The following CCDC81 variants were observed in gnomAD, a reference collection of about 807,000 sequenced individuals.
CCDC81 encodes coiled-coil domain-containing protein 81.
A neutral mutation model predicts 83.7 loss-of-function variants in CCDC81; 79 were observed. The ratio of observed to expected loss-of-function variants is 0.94; its 90% CI spans 0.79 to 1.14. The LOEUF (loss-of-function observed/expected upper bound fraction) is 1.14. Among genes scored for constraint, CCDC81 ranks in the 50% most tolerant of loss-of-function variants. CCDC81 has a pLI of 0.00. For missense variants in CCDC81, 791 were observed against 778.1 expected (o/e 1.02, Z -0.20); for synonymous variants, 252 against 278.1 (o/e 0.91, Z 0.93).
chr11:86,414,769 C>G lies in CCDC81; in HGVS notation c.1392-20C>G. 6.3e-7 allele frequency: 1 copy of G among 1,577,412 alleles called. No homozygotes were observed. The highest frequency in any genetic ancestry group is 8.6e-7 in the Non-Finnish European group (1 of 1,159,852). ...AGACTGCAAAACTGTGGTCCATCTT[C>G]TCTTGTTCTTAACTGCCAGACTTGC... On this transcript the variant is annotated intron_variant, in intron 11 of 14. Transcript: ENST00000445632.
Position 86,414,849 on chromosome 11 carries a change from G to A in CCDC81, c.1452G>A (p.Lys484=), listed in dbSNP as rs189038155. ...KDKMEETQCY[K]RALDAQIKNK... ...AGATGGAAGAAACACAGTGTTACAA[G>A]AGAGCTTTGGATGCACAGGTAAGGG... is the stretch of plus-strand genomic sequence containing the variant. Residue 484 remains lysine (K), a synonymous_variant, in exon 12 of 15, where the codon AAG becomes AAA. Coordinates refer to ENST00000445632, the MANE Select transcript of CCDC81 (RefSeq NM_001156474.2). 1 of 1,610,074 alleles carries A rather than the reference G, an allele frequency of 6.2e-7. No individual in the cohort carries two copies. Among genetic ancestry groups the A allele is most frequent in the Non-Finnish European group, 8.5e-7 (1 of 1,179,116 alleles).
At chr11:86,409,179 A>G (rs1948603138) in intron 9 of CCDC81, 82 bp from the exon 10 acceptor site, 1 of 600,424 alleles carries the variant, frequency 1.7e-6, no homozygotes, top group South Asian at 3.8e-5. Flanking sequence ...TTTTAATGTA[A>G]TAGAATTAAA....
rs1948699881 is a variant in CCDC81 at position 86,415,166 on chromosome 11, G to C, written c.1544G>C (p.Gly515Ala). 1 of 1,614,084 alleles carries C rather than the reference G, an allele frequency of 6.2e-7. No individual in the cohort carries two copies. The highest frequency in any genetic ancestry group is 1.7e-5 in the Admixed American group (1 of 60,004). ...SSEPIFGKNE[G>A]ELMVEKQKRE... ...GAGCCCATCTTTGGTAAGAATGAGG[G>C]TGAACTGATGGTGGAAAAGCAAAAG... Residue 515 changes from glycine to alanine, a missense_variant, in exon 13 of 15, where the codon GGT becomes GCT. Transcript: ENST00000445632.
chr11:86,405,196 T>G (rs987055772), intron 7 of CCDC81, among the ~76,000 whole-genome samples: 3 of 152,206 alleles, frequency 2.0e-5, no homozygotes, highest in Non-Finnish European at 4.4e-5. Context: ...AATATTAAAT[T>G]CTACATGTCT....
In CCDC81 at chr11:86,392,815, T is replaced by C. The variant is rs1948351954; in HGVS notation, c.555+18T>C. On this transcript the variant is annotated intron_variant, in intron 4 of 14. Coordinates refer to ENST00000445632, the MANE Select transcript of CCDC81 (RefSeq NM_001156474.2). ...TAGCAAATGTAAATTAATATTTTCC[T>C]TCTCCTAAGTCTTCTCCTAATTGTG... 4 of 1,544,010 alleles carry C rather than the reference T, an allele frequency of 2.6e-6. No homozygotes were observed. Among genetic ancestry groups the C allele is most frequent in the East Asian group, 2.4e-5 (1 of 40,826 alleles).
chr11:86,415,215 C>A lies in CCDC81; in HGVS notation c.1593C>A (p.His531Gln). The part of the protein sequence containing the change: ...KQKREQNYMK[H>Q]QLEAAANHKR... ...AGCGAGAACAAAATTACATGAAACA[C>A]CAGCTGGAGGCAGCTGCTAACCACA... The change falls in exon 13 of 15, where the codon CAC (histidine) becomes CAA (glutamine). Residue 531 changes from histidine to glutamine, a missense_variant. His to Gln is a conservative substitution (Grantham distance 24). Transcript: ENST00000445632. 1 of 1,614,118 alleles carries A rather than the reference C, an allele frequency of 6.2e-7. No individual in the cohort carries two copies. Among genetic ancestry groups the A allele is most frequent in the African/African-American group, 1.3e-5 (1 of 75,032 alleles).
At chr11:86,387,152 C>T in intron 2 of CCDC81, among the ~76,000 whole-genome samples, 1 of 152,148 alleles carries the variant, frequency 6.6e-6, no homozygotes, top group Non-Finnish European at 1.5e-5. Context: ...TTCTCATGCC[C>T]TCTTAAATTC....
rs140861559 is a variant in CCDC81, at chr11:86,414,588, T to C, written c.1392-201T>C. On this transcript the variant is annotated intron_variant, in intron 11 of 14. Coordinates refer to ENST00000445632, the MANE Select transcript of CCDC81 (RefSeq NM_001156474.2). ...TCCCAAAGTGCTGGGATTACACACA[T>C]GAGCCACTGTGCCTGGCCGCCTATG... 56 of 535,580 alleles carry C rather than the reference T, an allele frequency of 1.0e-4. 1 individual carries two copies. The highest frequency in any genetic ancestry group is 8.9e-4 in the Admixed American group (24 of 27,032). The allele number at this position is 535,580 out of a possible 1,614,324, so 33.2% of individuals were successfully genotyped here.
At chr11:86,375,400 T>C (rs571864879) in intron 1 of CCDC81, among the ~76,000 whole-genome samples, 158 bp downstream of exon 1, 5 of 152,262 alleles carry the variant, frequency 3.3e-5, no homozygotes, top group Admixed American at 6.5e-5. Flanking sequence ...CCTGCCCACG[T>C]TGGACGCCCA....
At position 86,395,335 on chromosome 11, in the gene CCDC81, G is replaced by A. The variant is rs199619761; in HGVS notation, c.557G>A (p.Arg186Lys). 3.7e-6 allele frequency: 6 copies of A among 1,613,948 alleles called. No individual in the cohort carries two copies. Among genetic ancestry groups the A allele is most frequent in the Non-Finnish European group, 4.2e-6 (5 of 1,179,854 alleles). The change falls in exon 5 of 15, where the codon AGG (arginine) becomes AAG (lysine). Residue 186 changes from arginine (R) to lysine (K), a missense_variant and splice_region_variant. Transcript: ENST00000445632. ...CCTTGCTCTGTTGCTGTCCTCTAGAGGCCTGGCACTGTGGACTCGGTGTTG... is the reference window on the plus strand; with the variant it reads ...CCTTGCTCTGTTGCTGTCCTCTAGAAGCCTGGCACTGTGGACTCGGTGTTG... ...SGALAKALANRPGTVDSVLSS... is the reference protein window; with the variant it reads ...SGALAKALANKPGTVDSVLSS...
At chr11:86,412,650 T>G in intron 11 of CCDC81, 91 bp downstream of exon 11, 1 of 1,174,818 alleles carries the variant, frequency 8.5e-7, no homozygotes, top group South Asian at 1.6e-5. Context: ...ATTGGTAGTT[T>G]CATTAGCACA....
At position 86,400,677 on chromosome 11, in the gene CCDC81, G is replaced by GA; in HGVS notation, c.758dup (p.Asp253GlufsTer11). On this transcript the variant is annotated frameshift_variant and splice_region_variant. Transcript: ENST00000445632. LOFTEE classifies it high-confidence loss of function. ...GTTTTCATTCATTCTTTATTCTACA[G>GA]ATATCTCATCACCCAAAAGACTTCG... The GA allele has an allele frequency of 6.2e-7, 1 of 1,603,664 alleles. No homozygotes were observed. Among genetic ancestry groups the GA allele is most frequent in the Non-Finnish European group, 8.5e-7 (1 of 1,171,840 alleles).
Position 86,422,584 on chromosome 11 carries a change from A to G in CCDC81, c.1828A>G (p.Lys610Glu), listed in dbSNP as rs113010452. 32 of 1,613,694 alleles carry G rather than the reference A, an allele frequency of 2.0e-5. 1 individual carries two copies. In the African/African-American group the frequency reaches 2.4e-4, roughly 12 times the overall value. ...CTCTCCTCTCCTCAGGGCTTCAGAC[A>G]AGCTGTTTCTCCTAGACCAGTGTGA... is the stretch of plus-strand genomic sequence containing the variant. The part of the protein sequence containing the change: ...EDKAFERASD[K>E]LFLLDQCEKY... The change falls in exon 15 of 15, where the codon AAG (lysine) becomes GAG (glutamate). Residue 610 changes from lysine (K) to glutamate (E), a missense_variant. Physicochemically the swap from Lys to Glu is moderately conservative, Grantham distance 56. Transcript: ENST00000445632.
chr11:86,407,639 C>T lies in CCDC81; in HGVS notation c.907C>T (p.His303Tyr). ...CTTATCATATCCAAGTTGTCTGAAA[C>T]ACGACAGTGAGATGAAGCCCCAAAC... ...ESLSYPSCLK[H>Y]DSEMKPQTSP... The change falls in exon 8 of 15, where the codon CAC becomes TAC. Residue 303 changes from histidine (H) to tyrosine (Y), a missense_variant. Transcript: ENST00000445632. 1 of 1,613,262 alleles carries T rather than the reference C, an allele frequency of 6.2e-7. No individual in the cohort carries two copies. Among genetic ancestry groups the T allele is most frequent in the Admixed American group, 1.7e-5 (1 of 60,000 alleles).
At chr11:86,407,576 T>G (rs1185236830) in intron 7 of CCDC81, 38 bp from the exon 8 acceptor site, 1 of 1,353,088 alleles carries the variant, frequency 7.4e-7, no homozygotes, top group Admixed American at 1.7e-5. Context: ...GAGGTCAGAT[T>G]GTATTAAACA....
At chr11:86,405,846 T>G (rs1430409306) in intron 7 of CCDC81, among the ~76,000 whole-genome samples, 1 of 146,888 alleles carries the variant, frequency 6.8e-6, no homozygotes, top group Non-Finnish European at 1.5e-5. Flanking sequence ...CACCGCAACC[T>G]CCGCCTCCCA....
chr11:86,380,706 T>G (rs1287446646), intron 1 of CCDC81, among the ~76,000 whole-genome samples: 1 of 152,204 alleles, frequency 6.6e-6, no homozygotes, highest in Non-Finnish European at 1.5e-5. Context: ...CTAAGTCATG[T>G]CCAGTCCACT....
chr11:86,382,787 C>G (rs1299488047), intron 1 of CCDC81, among the ~76,000 whole-genome samples: 4 of 151,956 alleles, frequency 2.6e-5, no homozygotes, highest in Non-Finnish European at 5.9e-5. Context: ...GAAGAAATGG[C>G]CAGACAGTTA....
intron 2 of CCDC81, among the ~76,000 whole-genome samples, chr11:86,386,411 AG>A (rs1376330718): frequency 6.6e-6 from 1 of 152,170 alleles, no homozygotes; most frequent in East Asian, 1.9e-4. Context: ...AAACTAGATG[AG>A]TTCTGTTTGT....
Sources: allele counts gnomAD v4.1 joint callset (sites outside exome capture counted in the v4.1 genomes callset), GRCh38; gene constraint gnomAD v4.1.1; transcripts MANE v1.5; gene names NCBI Gene and HGNC (gene_info 2026-07-23, HGNC 2026-07-21).